Variants in NIFK observed in about 807,000 individuals in gnomAD.
The protein encoded by NIFK is MKI67 FHA domain-interacting nucleolar phosphoprotein.
In NIFK, 16 loss-of-function variants were observed where a neutral mutation model predicts 31.7. That is an observed-to-expected ratio of 0.50 (90% CI 0.34 to 0.77). The LOEUF (loss-of-function observed/expected upper bound fraction) is 0.77, where lower values mean the gene tolerates loss of function less well. Among genes scored for constraint, NIFK ranks in the 30% least tolerant of loss-of-function variants. The pLI, the probability that NIFK is intolerant of heterozygous loss-of-function variation, is 0.01. For synonymous variants in NIFK, 126 were observed against 123.0 expected, an observed-to-expected ratio of 1.02 and a Z score of -0.16; for missense variants, 341 against 350.4, an observed-to-expected ratio of 0.97 and a Z score of 0.21.
At position 121,727,608 on chromosome 2, in the gene NIFK, TG is replaced by T. The variant is rs753137958; in HGVS notation, c.*115del. ...TGCTTTCCTTAACTTGACCAAACAG[TG>T]TATTTTTCCTCTGAAAATCTTGTCA... is the stretch of plus-strand genomic sequence containing the variant. On this transcript the variant is annotated 3_prime_UTR_variant, in exon 7 of 7. Transcript: ENST00000285814. 2.3e-6 allele frequency: 2 copies of T among 872,156 alleles called. No homozygotes were observed. Among genetic ancestry groups the T allele is most frequent in the Non-Finnish European group, 3.7e-6 (2 of 542,906 alleles). 54.0% of individuals were successfully genotyped at this position (872,156 alleles called of 1,614,324 possible).
chr2:121,732,750 G>A (rs1357676604), intron 2 of NIFK, among the ~76,000 whole-genome samples: 2 of 152,074 alleles, frequency 1.3e-5, no homozygotes, highest in South Asian at 2.1e-4. Flanking sequence ...TTGGGAGGCC[G>A]AGGGTGGATC....
chr2:121,729,327 C>T (rs957160086), intron 4 of NIFK, among the ~76,000 whole-genome samples: 4 of 145,818 alleles, frequency 2.7e-5, no homozygotes, highest in Admixed American at 2.1e-4. Context: ...GAGATAGTGC[C>T]ACTGCACTCC....
chr2:121,729,965 C>A (rs1457619279), intron 4 of NIFK, among the ~76,000 whole-genome samples: 1 of 152,232 alleles, frequency 6.6e-6, no homozygotes. Context: ...GTAATCCCAG[C>A]ACTTTTGGAG....
At chr2:121,730,229 C>T (rs773080757) in intron 4 of NIFK, among the ~76,000 whole-genome samples, 25 of 151,554 alleles carry the variant, frequency 1.6e-4, no homozygotes, top group Non-Finnish European at 3.2e-4. Context: ...AAAAACAAAA[C>T]AAAACAAAAC....
chr2:121,734,660 G>GCT (rs2074566892), intron 2 of NIFK, among the ~76,000 whole-genome samples: 1 of 152,154 alleles, frequency 6.6e-6, no homozygotes, highest in African/African-American at 2.4e-5. Context: ...AGGCATGGTG[G>GCT]CAGGCGCCTG....
At chr2:121,733,501 T>C in intron 2 of NIFK, among the ~76,000 whole-genome samples, 1 of 144,400 alleles carries the variant, frequency 6.9e-6, no homozygotes, top group Non-Finnish European at 1.5e-5. Flanking sequence ...GGCAACAGAG[T>C]GAGACTCCAT....
intron 2 of NIFK, among the ~76,000 whole-genome samples, chr2:121,733,313 A>G (rs1238258283): frequency 6.6e-6 from 1 of 152,032 alleles, no homozygotes; most frequent in Admixed American, 6.6e-5. Context: ...TTGGGAGCTC[A>G]AAATCATCCT....
rs2074512831 is a variant in NIFK, at chr2:121,728,604, A to G, written c.565-68T>C. On this transcript the variant is annotated intron_variant, in intron 4 of 6. Coordinates refer to ENST00000285814, the MANE Select transcript of NIFK (RefSeq NM_032390.5). ...TCTAAACTTAGCATTAGATCCTCAT[A>G]TATATTATCAGTAAATCCTCCCTAA... 5 of 848,058 alleles carry G rather than the reference A, an allele frequency of 5.9e-6. No homozygotes were observed. In the South Asian group the frequency reaches 8.2e-5, roughly 14 times the overall value. The allele number at this position is 848,058 out of a possible 1,614,324, so 52.5% of individuals were successfully genotyped here.
At chr2:121,730,630 G>C (rs2106442166) in intron 4 of NIFK, 1 of 406,086 alleles carries the variant, frequency 2.5e-6, no homozygotes, top group Admixed American at 4.1e-5. Flanking sequence ...AATCACCTGA[G>C]GTCAGGAGTT....
chr2:121,727,319 G>A lies in NIFK; in HGVS notation c.*405C>T. 1 of 441,638 alleles carries A rather than the reference G, an allele frequency of 2.3e-6. No homozygotes were observed. Among genetic ancestry groups the A allele is most frequent in the South Asian group, 1.7e-5 (1 of 60,100 alleles). The allele number at this position is 441,638 out of a possible 1,614,324, so 27.4% of individuals were successfully genotyped here. A position where few individuals can be genotyped will look rare whatever the true frequency, so the allele number is the denominator to read the frequency against. On this transcript the variant is annotated 3_prime_UTR_variant, in exon 7 of 7. Transcript: ENST00000285814. ...ATGTTGAAATCTAAAGCACCTCCATGAGTTAAATGTCCCCGACAAACCATG... is the reference window on the plus strand; with the variant it reads ...ATGTTGAAATCTAAAGCACCTCCATAAGTTAAATGTCCCCGACAAACCATG...
intron 6 of NIFK, 158 bp from the exon 7 acceptor site, chr2:121,728,070 A>G (rs2074504805): frequency 2.7e-6 from 2 of 749,076 alleles, no homozygotes; most frequent in South Asian, 4.4e-5. Flanking sequence ...TAAAGAACTT[A>G]GATGCTTATC....
chr2:121,736,238 A>G (rs772671140), intron 1 of NIFK, among the ~76,000 whole-genome samples: 12 of 152,230 alleles, frequency 7.9e-5, no homozygotes, highest in Non-Finnish European at 1.3e-4. Context: ...AACCACAGAA[A>G]GTATAAGCGA....
At chr2:121,735,802 T>G in intron 1 of NIFK, 52 bp from the exon 2 acceptor site, 1 of 1,508,562 alleles carries the variant, frequency 6.6e-7, no homozygotes, top group Non-Finnish European at 9.0e-7. Context: ...AAAATCACAT[T>G]GTAACAAAAC....
At chr2:121,730,735 T>A in intron 4 of NIFK, 158 bp downstream of exon 4, 3 of 613,622 alleles carry the variant, frequency 4.9e-6, no homozygotes, top group Non-Finnish European at 8.7e-6. Context: ...TCCCAACTAC[T>A]TGGGAGGCTA....
intron 2 of NIFK, among the ~76,000 whole-genome samples, chr2:121,734,495 T>C (rs2106443571): frequency 6.6e-6 from 1 of 152,176 alleles, no homozygotes; most frequent in South Asian, 2.1e-4. Context: ...TATATAGCAA[T>C]GAAAACTGAA....
chr2:121,736,856 A>C lies in NIFK; in HGVS notation c.-6T>G. On this transcript the variant is annotated 5_prime_UTR_variant, in exon 1 of 7. Transcript: ENST00000285814. ...GGGCCAGAAAAAGTCGCCATGCCAA[A>C]AGCCGCCGACGCTAACCACGCGGCG... 1 of 1,612,866 alleles carries C rather than the reference A, an allele frequency of 6.2e-7. No individual in the cohort carries two copies. Among genetic ancestry groups the C allele is most frequent in the African/African-American group, 1.3e-5 (1 of 75,028 alleles).
At chr2:121,729,247 G>A (rs776598654) in intron 4 of NIFK, among the ~76,000 whole-genome samples, 14 of 151,784 alleles carry the variant, frequency 9.2e-5, no homozygotes, top group East Asian at 3.9e-4. Context: ...TGTGCCTGTA[G>A]TCCCAGCTAC....
At position 121,727,270 on chromosome 2, in the gene NIFK, T is replaced by TA. The variant is rs2106440736; in HGVS notation, c.*453dup. On this transcript the variant is annotated 3_prime_UTR_variant, in exon 7 of 7. Transcript: ENST00000285814. ...ACTGCCTTCTCACTCTACATATAAT[T>TA]AAACTTCCAGCTTCAACCATCTGAT... 2 of 369,190 alleles carry TA rather than the reference T, an allele frequency of 5.4e-6. No homozygotes were observed. The highest frequency in any genetic ancestry group is 2.1e-5 in the African/African-American group (1 of 47,012). The allele number at this position is 369,190 out of a possible 1,614,324, so 22.9% of individuals were successfully genotyped here.
At chr2:121,730,793 CA>C (rs767788410) in intron 4 of NIFK, 99 bp downstream of exon 4, 14 of 787,902 alleles carry the variant, frequency 1.8e-5, no homozygotes, top group African/African-American at 5.1e-5. Context: ...TGCAGTGAGT[CA>C]AGATTGTGGT....
Sources: allele counts gnomAD v4.1 joint callset (sites outside exome capture counted in the v4.1 genomes callset), GRCh38; gene constraint gnomAD v4.1.1; transcripts MANE v1.5; gene names NCBI Gene and HGNC (gene_info 2026-07-23, HGNC 2026-07-21).